OPCML: variants seen among roughly 807,000 people sequenced by gnomAD.
OPCML encodes opioid-binding protein/cell adhesion molecule.
OPCML carries 13 observed loss-of-function variants against 37.8 expected under a neutral mutation model. The observed-to-expected ratio is 0.34, with a 90% CI of 0.22 to 0.55. The LOEUF is 0.55. Ranked by LOEUF, OPCML falls within the 20% of genes least tolerant of loss-of-function variation. OPCML has a pLI of 0.91. For synonymous variants in OPCML, 176 were observed against 168.8 expected (o/e 1.04, Z -0.33); for missense variants, 341 against 435.6 (o/e 0.78, Z 1.93).
At chr11:132,428,367 A>T (rs1024770458) in intron 7 of OPCML, among the ~76,000 whole-genome samples, 1 of 152,240 alleles carries the variant, frequency 6.6e-6, no homozygotes, top group Non-Finnish European at 1.5e-5. Flanking sequence ...TATTAATTCA[A>T]CAAACAGTTA....
intron 2 of OPCML, among the ~76,000 whole-genome samples, chr11:132,875,621 C>T (rs1260487404): frequency 5.3e-5 from 8 of 152,128 alleles, no homozygotes; most frequent in African/African-American, 1.4e-4. Flanking sequence ...TGCACCACCA[C>T]GCCTGGCTAA....
At chr11:133,150,426 C>T (rs1451677551) in intron 1 of OPCML, among the ~76,000 whole-genome samples, 1 of 152,184 alleles carries the variant, frequency 6.6e-6, no homozygotes, top group Non-Finnish European at 1.5e-5. Flanking sequence ...GCTGGGGTTT[C>T]AACCCAGGAC....
intron 2 of OPCML, among the ~76,000 whole-genome samples, chr11:132,896,007 T>C (rs1403765271): frequency 6.6e-6 from 1 of 152,082 alleles, no homozygotes; most frequent in East Asian, 1.9e-4. Flanking sequence ...GTGGAAGAAA[T>C]ATAAAGTTGG....
At chr11:132,787,020 T>C (rs978455681) in intron 2 of OPCML, among the ~76,000 whole-genome samples, 10 of 152,150 alleles carry the variant, frequency 6.6e-5, no homozygotes, top group Non-Finnish European at 1.5e-4. Context: ...CAAACACAGA[T>C]GGAGCCACAC....
At chr11:132,629,038 A>C (rs919108020) in intron 3 of OPCML, among the ~76,000 whole-genome samples, 1 of 152,084 alleles carries the variant, frequency 6.6e-6, no homozygotes, top group African/African-American at 2.4e-5. Flanking sequence ...CTTTCACCCC[A>C]GAGCCCACTG....
intron 1 of OPCML, among the ~76,000 whole-genome samples, chr11:132,969,604 TCA>T (rs1946294500): frequency 1.3e-5 from 2 of 152,190 alleles, no homozygotes; most frequent in Non-Finnish European, 2.9e-5. Flanking sequence ...TCACTTTTCT[TCA>T]CACTTTTTTC....
chr11:133,384,628 A>C (rs1945005323), intron 1 of OPCML, among the ~76,000 whole-genome samples: 1 of 152,216 alleles, frequency 6.6e-6, no homozygotes. Flanking sequence ...TCCCCAAAGA[A>C]AATCCCAGTG....
intron 2 of OPCML, among the ~76,000 whole-genome samples, chr11:132,756,774 T>TTTTTTC (rs1946063848): frequency 6.6e-6 from 1 of 152,176 alleles, no homozygotes; most frequent in Admixed American, 6.5e-5. Flanking sequence ...CAAGGTCTTC[T>TTTTTTC]TTTTTCTTTT....
At chr11:133,167,043 A>G (rs533368122) in intron 1 of OPCML, among the ~76,000 whole-genome samples, 61 of 152,302 alleles carry the variant, frequency 4.0e-4, no homozygotes, top group African/African-American at 1.4e-3. Context: ...AGAAGTAGGA[A>G]GTAAAAAGAG....
At chr11:133,506,142 G>A (rs35618674) in intron 1 of OPCML, among the ~76,000 whole-genome samples, 21,586 of 152,196 alleles carry the variant, frequency 0.14, 1,851 homozygotes, top group Admixed American at 0.25. Flanking sequence ...TCTGTAGTGT[G>A]ACAAAGGTAG....
chr11:133,530,513 G>C (rs933253464), intron 1 of OPCML, among the ~76,000 whole-genome samples: 1 of 152,214 alleles, frequency 6.6e-6, no homozygotes, highest in Non-Finnish European at 1.5e-5. Flanking sequence ...GCCTACGCAG[G>C]AAAGTTTGTC....
intron 2 of OPCML, among the ~76,000 whole-genome samples, chr11:132,780,575 G>A (rs1490264606): frequency 6.6e-6 from 1 of 152,162 alleles, no homozygotes; most frequent in Non-Finnish European, 1.5e-5. Context: ...GTTTCCTCCT[G>A]CAAATCCATG....
intron 1 of OPCML, among the ~76,000 whole-genome samples, chr11:133,017,389 T>C (rs559384056): frequency 1.3e-5 from 2 of 152,100 alleles, no homozygotes; most frequent in South Asian, 4.2e-4. Flanking sequence ...ACCCCTCTTT[T>C]CCTTTTATTT....
At chr11:132,610,573 A>G (rs1938577291) in intron 3 of OPCML, among the ~76,000 whole-genome samples, 1 of 152,148 alleles carries the variant, frequency 6.6e-6, no homozygotes, top group Admixed American at 6.5e-5. Flanking sequence ...CAACTTTTGC[A>G]ATCGTTGCCG....
intron 1 of OPCML, among the ~76,000 whole-genome samples, chr11:132,964,978 T>C (rs1946181619): frequency 6.6e-6 from 1 of 152,222 alleles, no homozygotes; most frequent in African/African-American, 2.4e-5. Context: ...CACTGTATTT[T>C]GCATCTTGTT....
chr11:133,463,292 T>C (rs1446287616), intron 1 of OPCML, among the ~76,000 whole-genome samples: 2 of 151,892 alleles, frequency 1.3e-5, no homozygotes, highest in East Asian at 1.9e-4. Context: ...AGAGTTTCAG[T>C]TTGGGAAGAT....
chr11:132,853,377 T>G (rs766772160), intron 2 of OPCML, among the ~76,000 whole-genome samples: 12 of 152,184 alleles, frequency 7.9e-5, no homozygotes, highest in Non-Finnish European at 1.5e-4. Flanking sequence ...TAAATCAATA[T>G]TTTCCAAGTG....
chr11:133,286,552 A>G (rs890493931), intron 1 of OPCML, among the ~76,000 whole-genome samples: 34 of 151,338 alleles, frequency 2.2e-4, no homozygotes, highest in Non-Finnish European at 3.8e-4. Flanking sequence ...TTGATTTCTC[A>G]CTGATTCATT....
chr11:132,857,428 T>G (rs1942101617), intron 2 of OPCML, among the ~76,000 whole-genome samples: 1 of 152,238 alleles, frequency 6.6e-6, no homozygotes, highest in African/African-American at 2.4e-5. Context: ...TGATATGGTT[T>G]CTGATTATAC....
Sources: gnomAD v4.1 joint callset for allele counts (sites outside exome capture counted in the v4.1 genomes callset) on GRCh38, gnomAD v4.1.1 for gene constraint, MANE v1.5 for transcripts, NCBI Gene and HGNC (gene_info 2026-07-23, HGNC 2026-07-21) for gene names.